DCX: variants seen among roughly 807,000 people sequenced by gnomAD.
DCX encodes the protein neuronal migration protein doublecortin.
In DCX, 4 loss-of-function variants were observed where a neutral mutation model predicts 20.9. The observed-to-expected ratio is 0.19, with a 90% CI of 0.09 to 0.44. The LOEUF (loss-of-function observed/expected upper bound fraction) is 0.44. Among genes scored for constraint, DCX ranks in the 20% least tolerant of loss-of-function variants. The pLI is 0.99. For synonymous variants in DCX, 103 were observed against 111.4 expected, an observed-to-expected ratio of 0.92 and a Z score of 0.47; for missense variants, 133 against 296.9, an observed-to-expected ratio of 0.45 and a Z score of 4.06.
intron 3 of DCX, among the ~76,000 whole-genome samples, chrX:111,397,369 G>A (rs888543460): frequency 3.6e-5 from 4 of 111,353 alleles, no homozygotes. Context: ...AACATGCATT[G>A]GAATCTCATC....
intron 3 of DCX, among the ~76,000 whole-genome samples, chrX:111,343,978 T>C (rs1166968195): frequency 9.0e-6 from 1 of 110,626 alleles, no homozygotes; most frequent in African/African-American, 3.3e-5. Context: ...CGAGACTCCA[T>C]CTCAAAAAAA....
In DCX at chrX:111,298,947, G is replaced by A. The variant is rs2095027500; in HGVS notation, c.*2740C>T. The A allele has an allele frequency of 9.6e-6, 1 of 104,617 alleles. No homozygotes were observed. Among genetic ancestry groups the A allele is most frequent in the Admixed American group, 1.0e-4 (1 of 10,015 alleles). 8.6% of individuals were successfully genotyped at this position (104,617 alleles called of 1,213,427 possible). On this transcript the variant is annotated 3_prime_UTR_variant, in exon 7 of 7. Coordinates refer to ENST00000636035, the MANE Select transcript of DCX (RefSeq NM_001195553.2). ...CAGGAGGTAGGAACAAGCAAGAGAT[G>A]GATTGTGTGTGTGTGTGTGTGTGTG...
chrX:111,399,611 A>C (rs2147260800), intron 3 of DCX, among the ~76,000 whole-genome samples: 1 of 111,915 alleles, frequency 8.9e-6, no homozygotes, highest in East Asian at 2.8e-4. Flanking sequence ...ATGGCTTCTA[A>C]AGTCATTCTC....
At position 111,382,069 on chromosome X, in the gene DCX, T is replaced by C. The variant is rs183698669; in HGVS notation, c.705+18921A>G. 4.6e-3 allele frequency among the ~76,000 whole-genome samples: 518 copies of C among 111,746 alleles called. 3 individuals are homozygous for C. The highest frequency in any genetic ancestry group is 7.7e-3 in the Non-Finnish European group (410 of 53,085). On this transcript the variant is annotated intron_variant, in intron 3 of 6. Coordinates refer to ENST00000636035, the MANE Select transcript of DCX (RefSeq NM_001195553.2). ...AACCCAGAATGCTGGGCCCCACCCA[T>C]TTTGAATTCAGTAGATCTAGAGTGA...
intron 3 of DCX, among the ~76,000 whole-genome samples, chrX:111,391,546 G>A (rs1926955810): frequency 9.0e-6 from 1 of 111,135 alleles, no homozygotes; most frequent in Non-Finnish European, 1.9e-5. Flanking sequence ...CTGTAATGCA[G>A]GGTTTCTCAA....
At chrX:111,367,495 G>A (rs1262775050) in intron 3 of DCX, among the ~76,000 whole-genome samples, 3 of 111,781 alleles carry the variant, frequency 2.7e-5, no homozygotes, top group Non-Finnish European at 5.6e-5. Flanking sequence ...TTACACCCAG[G>A]TCAGTCACTG....
intron 3 of DCX, among the ~76,000 whole-genome samples, chrX:111,390,808 G>A (rs1475925967): frequency 9.1e-6 from 1 of 110,075 alleles, no homozygotes; most frequent in East Asian, 2.9e-4. Flanking sequence ...AGACCAGCCT[G>A]GCCGACATGG....
chrX:111,332,914 T>C (rs1346238983), intron 4 of DCX, 137 bp downstream of exon 4: 1 of 523,364 alleles, frequency 1.9e-6, no homozygotes, highest in Non-Finnish European at 3.4e-6. Flanking sequence ...TATCCAAATA[T>C]ACAGGAGAAA....
intron 3 of DCX, among the ~76,000 whole-genome samples, chrX:111,369,574 A>G (rs148249925): frequency 0.016 from 1,802 of 111,741 alleles, 40 homozygotes; most frequent in African/African-American, 0.056. Flanking sequence ...GATGGTCCCA[A>G]AAGGGGTGTT....
At chrX:111,385,356 AT>A (rs948675712) in intron 3 of DCX, among the ~76,000 whole-genome samples, 1 of 111,774 alleles carries the variant, frequency 8.9e-6, no homozygotes, top group Admixed American at 9.5e-5. Context: ...ATTTTGACTA[AT>A]GGAAAATCAA....
intron 3 of DCX, among the ~76,000 whole-genome samples, chrX:111,362,467 C>T (rs780738880): frequency 1.4e-4 from 16 of 111,497 alleles, no homozygotes; most frequent in Non-Finnish European, 2.6e-4. Context: ...ATCCTAGCTC[C>T]ACAACTCATT....
At chrX:111,382,079 A>G (rs868855945) in intron 3 of DCX, among the ~76,000 whole-genome samples, 1 of 111,850 alleles carries the variant, frequency 8.9e-6, no homozygotes, top group Non-Finnish European at 1.9e-5. Context: ...TTTTGAATTC[A>G]GTAGATCTAG....
Position 111,410,601 on chromosome X carries a change from T to C in DCX, c.-22-181A>G, listed in dbSNP as rs1267848238. On this transcript the variant is annotated intron_variant, in intron 1 of 6. Coordinates refer to ENST00000636035, the MANE Select transcript of DCX (RefSeq NM_001195553.2). ...GCTGCTTGCCCCTGACCTGCAGGAA[T>C]ATTGATCTTAATAGAGAAGAAGGAG... 1.1e-5 allele frequency: 9 copies of C among 831,346 alleles called. No individual in the cohort carries two copies. In the East Asian group the frequency reaches 2.9e-4, roughly 27 times the overall value. The allele number at this position is 831,346 out of a possible 1,213,427, so 68.5% of individuals were successfully genotyped here. A position where few individuals can be genotyped will look rare whatever the true frequency, so the allele number is the denominator to read the frequency against.
At chrX:111,382,322 A>C (rs1926035801) in intron 3 of DCX, among the ~76,000 whole-genome samples, 1 of 112,108 alleles carries the variant, frequency 8.9e-6, no homozygotes, top group Non-Finnish European at 1.9e-5. Flanking sequence ...ATGTTATCAG[A>C]ATTGCTTGTG....
At chrX:111,319,480 T>C (rs764610509) in intron 5 of DCX, among the ~76,000 whole-genome samples, 8 of 111,884 alleles carry the variant, frequency 7.2e-5, no homozygotes, top group Non-Finnish European at 1.5e-4. Flanking sequence ...CTGTGCCAAA[T>C]AGCACCAAGA....
rs1270268516 is a variant in DCX, at chrX:111,295,851, G to C, written c.*5836C>G. 1 of 111,794 alleles carries C rather than the reference G, an allele frequency of 8.9e-6. No individual in the cohort carries two copies. The highest frequency in any genetic ancestry group is 1.9e-5 in the Non-Finnish European group (1 of 53,263). The allele number at this position is 111,794 out of a possible 1,213,427, so 9.2% of individuals were successfully genotyped here. ...CTGCTTGTAAAGATCTGCTGAGGGGGATTACGAATGAAAATGGAGAAGAAG... is the reference window on the plus strand; with the variant it reads ...CTGCTTGTAAAGATCTGCTGAGGGGCATTACGAATGAAAATGGAGAAGAAG... On this transcript the variant is annotated 3_prime_UTR_variant, in exon 7 of 7. Coordinates refer to ENST00000636035, the MANE Select transcript of DCX (RefSeq NM_001195553.2).
chrX:111,314,562 A>G (rs2095065222), intron 5 of DCX, among the ~76,000 whole-genome samples: 1 of 111,790 alleles, frequency 8.9e-6, no homozygotes, highest in African/African-American at 3.3e-5. Context: ...CAGGAGTTTG[A>G]AAGTCTGCTA....
At chrX:111,338,315 G>A (rs766061442) in intron 3 of DCX, among the ~76,000 whole-genome samples, 2 of 111,868 alleles carry the variant, frequency 1.8e-5, no homozygotes, top group East Asian at 2.8e-4. Flanking sequence ...TGGTAAAGAA[G>A]AGGGAAACAC....
intron 5 of DCX, among the ~76,000 whole-genome samples, chrX:111,325,391 T>C (rs1481689766): frequency 9.0e-6 from 1 of 111,516 alleles, no homozygotes; most frequent in East Asian, 2.8e-4. Context: ...GTTCTGGCTC[T>C]TGGGTGCTAA....
Sources: gnomAD v4.1 joint callset for allele counts (sites outside exome capture counted in the v4.1 genomes callset) on GRCh38, gnomAD v4.1.1 for gene constraint, MANE v1.5 for transcripts, NCBI Gene and HGNC (gene_info 2026-07-23, HGNC 2026-07-21) for gene names.